Variants in ACBD5 observed in about 807,000 individuals in gnomAD.
ACBD5 encodes the protein acyl-CoA-binding domain-containing protein 5.
ACBD5 carries 40 observed loss-of-function variants against 71.8 expected under a neutral mutation model. The ratio of observed to expected loss-of-function variants is 0.56; its 90% CI spans 0.43 to 0.72. The LOEUF (loss-of-function observed/expected upper bound fraction) is 0.72. ACBD5 is among the 30% of genes least tolerant of loss of function. ACBD5 has a pLI of 0.00. For synonymous variants in ACBD5, 229 were observed against 218.6 expected (o/e 1.05, Z -0.42); for missense variants, 559 against 644.5 (o/e 0.87, Z 1.44).
At chr10:27,184,553 G>GGTTT (rs2058535007) in intron 13 of ACBD5, among the ~76,000 whole-genome samples, 1 of 74,916 alleles carries the variant, frequency 1.3e-5, no homozygotes, top group Non-Finnish European at 2.8e-5. Flanking sequence ...ATATAAGAAG[G>GGTTT]ATTTTTTTTT....
chr10:27,209,426 G>A (rs1330206478), intron 9 of ACBD5, among the ~76,000 whole-genome samples: 3 of 152,122 alleles, frequency 2.0e-5, no homozygotes, highest in East Asian at 1.9e-4. Context: ...AGGTTCGGCC[G>A]ATTCTCCTAC....
intron 5 of ACBD5, 27 bp from the exon 6 acceptor site, chr10:27,219,884 A>C (rs746160408): frequency 6.2e-7 from 1 of 1,611,192 alleles, no homozygotes; most frequent in South Asian, 1.1e-5. Context: ...CCACTTACTC[A>C]CAATGTGATA....
chr10:27,239,778 GCT>G (rs1301411671), intron 2 of ACBD5, among the ~76,000 whole-genome samples: 1 of 151,920 alleles, frequency 6.6e-6, no homozygotes, highest in African/African-American at 2.4e-5. Flanking sequence ...ATGGAGTCTG[GCT>G]CTGTCGCCCA....
intron 8 of ACBD5, among the ~76,000 whole-genome samples, chr10:27,213,004 G>T (rs2061267034): frequency 6.6e-6 from 1 of 152,156 alleles, no homozygotes; most frequent in Admixed American, 6.6e-5. Context: ...AAAGATAAAT[G>T]ATTTTCTATA....
intron 3 of ACBD5, among the ~76,000 whole-genome samples, chr10:27,232,844 G>A (rs2064079653): frequency 6.6e-6 from 1 of 152,056 alleles, no homozygotes. Flanking sequence ...TTTCCCCGAA[G>A]GAGTTTAACT....
intron 7 of ACBD5, among the ~76,000 whole-genome samples, chr10:27,216,465 G>A (rs1224666011): frequency 3.3e-5 from 5 of 151,854 alleles, no homozygotes; most frequent in African/African-American, 9.7e-5. Flanking sequence ...TAGTAGAGAC[G>A]GAGTTTCACA....
intron 12 of ACBD5, among the ~76,000 whole-genome samples, chr10:27,198,858 C>G (rs2059618682): frequency 6.6e-6 from 1 of 152,164 alleles, no homozygotes. Context: ...CGCCTGTAAT[C>G]CCAGCACTTT....
chr10:27,183,230 G>A (rs2058428714), intron 13 of ACBD5, among the ~76,000 whole-genome samples: 1 of 151,808 alleles, frequency 6.6e-6, no homozygotes, highest in African/African-American at 2.4e-5. Flanking sequence ...CCCTAATTTG[G>A]AAACTAGTAA....
chr10:27,210,841 C>A lies in ACBD5; in HGVS notation c.1177G>T (p.Glu393Ter). ...HREKRGGETD[E>*]FSNVRRGRGH... is the part of the protein sequence containing the mutation. ...CTTCCTCTTCTAACATTAGAGAATT[C>A]GTCAGTTTCTCCGCCTCGCTTCTCC... The change falls in exon 9 of 13, where the codon GAA becomes TAA. Residue 393 changes from glutamate to a stop codon, truncating the protein, a stop_gained. Transcript: ENST00000396271. LOFTEE classifies it high-confidence loss of function. 1 of 1,614,156 alleles carries A rather than the reference C, an allele frequency of 6.2e-7. No individual in the cohort carries two copies. Among genetic ancestry groups the A allele is most frequent in the East Asian group, 2.2e-5 (1 of 44,886 alleles).
chr10:27,189,437 TAG>T (rs1692232655), intron 13 of ACBD5, among the ~76,000 whole-genome samples: 1 of 152,322 alleles, frequency 6.6e-6, no homozygotes, highest in East Asian at 1.9e-4. Flanking sequence ...GGCCAGGAGT[TAG>T]AGACTACCCT....
At chr10:27,217,301 CA>C (rs1415805327) in intron 7 of ACBD5, among the ~76,000 whole-genome samples, 1 of 143,132 alleles carries the variant, frequency 7.0e-6, no homozygotes, top group Admixed American at 7.0e-5. Flanking sequence ...ACTAAAAATA[CA>C]AAAATTAGCT....
chr10:27,219,258 G>A (rs1282546840), intron 6 of ACBD5, among the ~76,000 whole-genome samples: 1 of 150,968 alleles, frequency 6.6e-6, no homozygotes, highest in Non-Finnish European at 1.5e-5. Context: ...AGTGAGCAGC[G>A]ATCATACCAC....
chr10:27,188,979 A>C lies in ACBD5; in HGVS notation c.1494-6264T>G, dbSNP rs574288980. On this transcript the variant is annotated intron_variant, in intron 13 of 13. Transcript: ENST00000676511. ...TATTTTTGAGCTAAAGGCAGTTAAG[A>C]AGCAGCAAACTGAGGAAAGCTCTCG... is the stretch of plus-strand genomic sequence containing the variant. Among the ~76,000 whole-genome samples the C allele has an allele frequency of 2.0e-4, 30 of 152,376 alleles. No individual in the cohort carries two copies. In the East Asian group the frequency reaches 4.0e-3, roughly 21 times the overall value.
chr10:27,220,691 A>G (rs1164074563), intron 5 of ACBD5, among the ~76,000 whole-genome samples: 1 of 152,220 alleles, frequency 6.6e-6, no homozygotes, highest in Non-Finnish European at 1.5e-5. Flanking sequence ...ATTGACATGC[A>G]GATTCTAAAA....
At chr10:27,233,834 C>T (rs964603868) in intron 3 of ACBD5, among the ~76,000 whole-genome samples, 2 of 152,180 alleles carry the variant, frequency 1.3e-5, no homozygotes, top group African/African-American at 4.8e-5. Flanking sequence ...CACCTGATGT[C>T]GGGAGTTCAA....
intron 12 of ACBD5, among the ~76,000 whole-genome samples, chr10:27,202,114 T>C (rs1483855334): frequency 6.6e-6 from 1 of 152,160 alleles, no homozygotes; most frequent in Non-Finnish European, 1.5e-5. Flanking sequence ...AACCTATCTC[T>C]TCCAAACCAT....
intron 2 of ACBD5, among the ~76,000 whole-genome samples, chr10:27,237,947 A>T (rs2368218): frequency 0.18 from 26,181 of 148,050 alleles, 2,712 homozygotes; most frequent in East Asian, 0.3. Context: ...AATTTAATTT[A>T]ATTTAATTTT....
intron 12 of ACBD5, among the ~76,000 whole-genome samples, chr10:27,202,391 A>G (rs550938655): frequency 6.6e-6 from 1 of 152,360 alleles, no homozygotes; most frequent in South Asian, 2.1e-4. Flanking sequence ...AAAAACTTAT[A>G]AAGGTTCAAT....
At chr10:27,193,647 C>T (rs2059176678), downstream of ACBD5, 1 of 152,192 alleles carries the variant, frequency 6.6e-6, no homozygotes, top group South Asian at 2.1e-4. Flanking sequence ...CTGCGCTTCA[C>T]TCTGTGCCTG....
Sources: allele counts gnomAD v4.1 joint callset (sites outside exome capture counted in the v4.1 genomes callset), GRCh38; gene constraint gnomAD v4.1.1; transcripts MANE v1.5; gene names NCBI Gene and HGNC (gene_info 2026-07-23, HGNC 2026-07-21).